The following RB1 variants were observed in gnomAD, a reference collection of about 807,000 sequenced individuals.
The protein encoded by RB1 is RB transcriptional corepressor 1, also known as retinoblastoma-associated protein.
A neutral mutation model predicts 135.4 loss-of-function variants in RB1; 18 were observed. The observed-to-expected ratio is 0.13, with a 90% CI of 0.09 to 0.20. The LOEUF is 0.20. Ranked by LOEUF, RB1 falls within the 10% of genes least tolerant of loss-of-function variation. The pLI is 1.00. For synonymous variants in RB1, 365 were observed against 373.2 expected (o/e 0.98, Z 0.25); for missense variants, 868 against 1,110.0 (o/e 0.78, Z 3.10).
intron 17 of RB1, among the ~76,000 whole-genome samples, chr13:48,451,792 C>T (rs1243351698): frequency 6.7e-6 from 1 of 148,152 alleles, no homozygotes; most frequent in Non-Finnish European, 1.5e-5. Flanking sequence ...AATTTCAGAA[C>T]ATGTTATTGG....
At chr13:48,307,532 C>T in intron 2 of RB1, 126 bp downstream of exon 2, 1 of 1,055,272 alleles carries the variant, frequency 9.5e-7, no homozygotes, top group Non-Finnish European at 1.4e-6. Context: ...AATTCCATTA[C>T]CCAGAGGAAA....
chr13:48,451,960 C>A (rs1949330335), intron 17 of RB1, among the ~76,000 whole-genome samples: 1 of 151,798 alleles, frequency 6.6e-6, no homozygotes, highest in African/African-American at 2.4e-5. Context: ...AGGGTGGTAT[C>A]TCCCTTGTCA....
intron 18 of RB1, among the ~76,000 whole-genome samples, chr13:48,454,707 TC>T (rs1438793109): frequency 1.3e-5 from 2 of 152,200 alleles, no homozygotes; most frequent in Non-Finnish European, 2.9e-5. Flanking sequence ...CACTTTCCTT[TC>T]TCTGATAAAG....
intron 17 of RB1, among the ~76,000 whole-genome samples, chr13:48,418,770 C>T (rs187993567): frequency 8.7e-5 from 13 of 149,662 alleles, no homozygotes; most frequent in East Asian, 1.9e-4. Flanking sequence ...TTTAAACCAA[C>T]GAAGATCAAA....
At chr13:48,431,790 T>G (rs1039997769) in intron 17 of RB1, among the ~76,000 whole-genome samples, 1 of 152,214 alleles carries the variant, frequency 6.6e-6, no homozygotes, top group Non-Finnish European at 1.5e-5. Flanking sequence ...CGAAAAAGAT[T>G]GCTGGATTTT....
intron 17 of RB1, among the ~76,000 whole-genome samples, chr13:48,450,150 T>C (rs1054478015): frequency 6.6e-6 from 1 of 151,936 alleles, no homozygotes; most frequent in Admixed American, 6.5e-5. Flanking sequence ...CCACTGTCAA[T>C]TTCTGCTTTT....
chr13:48,399,127 G>T (rs546395308), intron 17 of RB1, among the ~76,000 whole-genome samples: 8 of 152,168 alleles, frequency 5.3e-5, no homozygotes, highest in African/African-American at 1.7e-4. Flanking sequence ...TTGAAATTAG[G>T]TATTTGGATC....
chr13:48,440,001 T>G (rs1025589199), intron 17 of RB1, among the ~76,000 whole-genome samples: 4 of 152,160 alleles, frequency 2.6e-5, no homozygotes, highest in African/African-American at 9.6e-5. Flanking sequence ...TATTTTTATA[T>G]GTATATGAGA....
intron 8 of RB1, among the ~76,000 whole-genome samples, chr13:48,363,640 A>G (rs1414129180): frequency 6.6e-6 from 1 of 152,176 alleles, no homozygotes; most frequent in Non-Finnish European, 1.5e-5. Context: ...AGTGATACCA[A>G]CATTAAATTT....
intron 8 of RB1, among the ~76,000 whole-genome samples, chr13:48,364,211 T>C (rs1220961422): frequency 6.6e-6 from 1 of 152,118 alleles, no homozygotes; most frequent in African/African-American, 2.4e-5. Context: ...TGCAATAATT[T>C]GAAAAAATTT....
intron 2 of RB1, among the ~76,000 whole-genome samples, chr13:48,336,409 C>A (rs1448910469): frequency 1.3e-5 from 2 of 152,146 alleles, no homozygotes; most frequent in African/African-American, 4.8e-5. Context: ...CTGATTTAGT[C>A]TTGGGAGGGT....
chr13:48,358,094 T>C (rs1244156047), intron 6 of RB1, among the ~76,000 whole-genome samples: 2 of 152,096 alleles, frequency 1.3e-5, no homozygotes, highest in Non-Finnish European at 2.9e-5. Flanking sequence ...TAGAGATAGT[T>C]TAATTGACCA....
In RB1 at chr13:48,342,713, A is replaced by C. The variant is rs775559506; in HGVS notation, c.379A>C (p.Ser127Arg). The change falls in exon 3 of 27, where the codon AGT becomes CGT. Residue 127 changes from serine (S) to arginine (R), a missense_variant and splice_region_variant. Coordinates refer to ENST00000267163, the MANE Select transcript of RB1 (RefSeq NM_000321.3). ...TGAGCTACAGAAAAACATAGAAATCAGGTAAAGTTTCTTGTATAAATATAA... is the reference window on the plus strand; with the variant it reads ...TGAGCTACAGAAAAACATAGAAATCCGGTAAAGTTTCTTGTATAAATATAA... ...FTELQKNIEI[S>R]VHKFFNLLKE... is the part of the protein sequence containing the mutation. 6.3e-7 allele frequency: 1 copy of C among 1,583,688 alleles called. No homozygotes were observed. Among genetic ancestry groups the C allele is most frequent in the Non-Finnish European group, 8.7e-7 (1 of 1,152,762 alleles).
intron 17 of RB1, chr13:48,391,286 G>T (rs1390083013): frequency 6.6e-6 from 1 of 152,008 alleles, no homozygotes; most frequent in Non-Finnish European, 1.5e-5. Flanking sequence ...ATTTTGCTTC[G>T]ACAGAAGTTA....
At chr13:48,411,963 A>G in intron 17 of RB1, 1 of 1,612,590 alleles carries the variant, frequency 6.2e-7, no homozygotes, top group Non-Finnish European at 8.5e-7. Flanking sequence ...GGTAGACTGA[A>G]CAAAAACGGC....
chr13:48,322,678 T>C (rs1345989008), intron 2 of RB1, among the ~76,000 whole-genome samples: 1 of 152,216 alleles, frequency 6.6e-6, no homozygotes, highest in Non-Finnish European at 1.5e-5. Flanking sequence ...TAGATGCCTT[T>C]CATCAGTTGA....
chr13:48,333,748 A>G (rs1952358049), intron 2 of RB1, among the ~76,000 whole-genome samples: 1 of 151,486 alleles, frequency 6.6e-6, no homozygotes, highest in African/African-American at 2.4e-5. Flanking sequence ...AAAAAAACAA[A>G]GAGAGAAAAA....
rs556584629 is a variant in RB1, at chr13:48,324,803, G to A, written c.264+17397G>A. 8.6e-5 allele frequency among the ~76,000 whole-genome samples: 13 copies of A among 151,098 alleles called. 2 individuals carry two copies. Among genetic ancestry groups the A allele is most frequent in the African/African-American group, 3.2e-4 (13 of 41,128 alleles). On this transcript the variant is annotated intron_variant, in intron 2 of 26. Coordinates refer to ENST00000267163, the MANE Select transcript of RB1 (RefSeq NM_000321.3). ...AACCTCTAAACTATTCTTTTATAGT[G>A]GCTCTACTAATTTACATTGCCACAA...
In RB1 at chr13:48,380,227, T is replaced by G. The variant is rs2138143110; in HGVS notation, c.1484T>G (p.Met495Arg). 1 of 1,601,878 alleles carries G rather than the reference T, an allele frequency of 6.2e-7. No individual in the cohort carries two copies. Among genetic ancestry groups the G allele is most frequent in the Non-Finnish European group, 8.5e-7 (1 of 1,170,454 alleles). Residue 495 changes from methionine (M) to arginine (R), a missense_variant, in exon 16 of 27, where the codon ATG becomes AGG. By Grantham distance (91) the Met-to-Arg change is moderately conservative. Coordinates refer to ENST00000267163, the MANE Select transcript of RB1 (RefSeq NM_000321.3). ...TTGGCGTGCGCTCTTGAGGTTGTAATGGCCACATATAGCAGTAAGTTAAAT... is the reference window on the plus strand; with the variant it reads ...TTGGCGTGCGCTCTTGAGGTTGTAAGGGCCACATATAGCAGTAAGTTAAAT... ...SLLACALEVV[M>R]ATYSRSTSQN...
Sources: gnomAD v4.1 joint callset for allele counts (sites outside exome capture counted in the v4.1 genomes callset) on GRCh38, gnomAD v4.1.1 for gene constraint, MANE v1.5 for transcripts, NCBI Gene and HGNC (gene_info 2026-07-23, HGNC 2026-07-21) for gene names.